SCML4: variants seen among roughly 807,000 people sequenced by gnomAD.
SCML4 encodes the protein Scm polycomb group protein like 4.
Under a neutral mutation model 41.1 loss-of-function variants are expected in SCML4, and 34 were observed. That is an observed-to-expected ratio of 0.83 (90% CI 0.63 to 1.10). The LOEUF (loss-of-function observed/expected upper bound fraction) is 1.10, where lower values mean the gene tolerates loss of function less well. Among genes scored for constraint, SCML4 ranks in the 50% least tolerant of loss-of-function variants. The pLI, the probability that SCML4 is intolerant of heterozygous loss-of-function variation, is 0.00. For missense variants in SCML4, 522 were observed against 534.1 expected (o/e 0.98, Z 0.22); for synonymous variants, 214 against 220.9 (o/e 0.97, Z 0.28).
chr6:107,727,071 C>T (rs1776057567), intron 5 of SCML4, among the ~76,000 whole-genome samples: 1 of 152,098 alleles, frequency 6.6e-6, no homozygotes, highest in South Asian at 2.1e-4. Context: ...ATTATTTGTC[C>T]ATAAAAAGGA....
At chr6:107,712,192 C>T (rs1296274769) in intron 6 of SCML4, among the ~76,000 whole-genome samples, 1 of 152,204 alleles carries the variant, frequency 6.6e-6, no homozygotes, top group Non-Finnish European at 1.5e-5. Context: ...CCCATCAGAA[C>T]ATTGGCGTTA....
the SCML4 span, among the ~76,000 whole-genome samples, chr6:107,832,527 T>C: frequency 2.0e-5 from 3 of 152,168 alleles, no homozygotes; most frequent in South Asian, 2.1e-4. Flanking sequence ...TTGGCTGGAA[T>C]TGGGCCACAT....
chr6:107,711,009 C>T (rs1344632429), intron 6 of SCML4, among the ~76,000 whole-genome samples: 2 of 60,396 alleles, frequency 3.3e-5, no homozygotes, highest in East Asian at 7.5e-4. Flanking sequence ...TCCCTGGTGT[C>T]CCTGCACAAA....
intron 7 of SCML4, among the ~76,000 whole-genome samples, chr6:107,706,240 G>A (rs9386658): frequency 2.0e-5 from 3 of 152,034 alleles, no homozygotes. Context: ...CCACTCCCAG[G>A]AGCCTCATTT....
intron 1 of SCML4, among the ~76,000 whole-genome samples, chr6:107,816,541 AGAG>A (rs139363940): frequency 0.011 from 1,730 of 152,336 alleles, 29 homozygotes; most frequent in African/African-American, 0.039. Context: ...GTAGGCTCTC[AGAG>A]GAGGAAGAAG....
intron 3 of SCML4, among the ~76,000 whole-genome samples, chr6:107,748,629 A>G (rs12664414): frequency 0.22 from 33,634 of 152,156 alleles, 3,980 homozygotes; most frequent in African/African-American, 0.29. Flanking sequence ...AGACCTTCAT[A>G]CAGGCACTAT....
chr6:107,797,066 C>G (rs1422477562), intron 1 of SCML4, among the ~76,000 whole-genome samples: 2 of 152,056 alleles, frequency 1.3e-5, no homozygotes, highest in Admixed American at 6.6e-5. Flanking sequence ...CTCTTGGTTA[C>G]TATAACTTTA....
intron 2 of SCML4, 130 bp from the exon 3 acceptor site, chr6:107,749,943 CG>C: frequency 1.1e-6 from 1 of 902,640 alleles, no homozygotes; most frequent in Non-Finnish European, 1.7e-6. Context: ...CCTGCAGTTT[CG>C]GGGCCTGAGC....
At chr6:107,791,259 C>A (rs534570081) in intron 1 of SCML4, among the ~76,000 whole-genome samples, 4 of 152,192 alleles carry the variant, frequency 2.6e-5, no homozygotes, top group East Asian at 1.9e-4. Context: ...TATTTAGTTT[C>A]AGTTTAGGAC....
chr6:107,773,245 C>G (rs1289591023), intron 1 of SCML4, among the ~76,000 whole-genome samples: 2 of 152,092 alleles, frequency 1.3e-5, no homozygotes, highest in African/African-American at 4.8e-5. Context: ...ATCCTTTGTA[C>G]AGATACCACA....
At chr6:107,814,885 T>C (rs1784453280) in intron 1 of SCML4, among the ~76,000 whole-genome samples, 1 of 152,110 alleles carries the variant, frequency 6.6e-6, no homozygotes, top group African/African-American at 2.4e-5. Context: ...ACCATATATG[T>C]GATAAAAACC....
chr6:107,809,256 T>C (rs1355366875), intron 1 of SCML4, among the ~76,000 whole-genome samples: 1 of 152,234 alleles, frequency 6.6e-6, no homozygotes, highest in Non-Finnish European at 1.5e-5. Context: ...GTCTAGGACT[T>C]CCCAGCCTTC....
chr6:107,732,466 C>A, intron 5 of SCML4: 1 of 152,376 alleles, frequency 6.6e-6, no homozygotes, highest in Non-Finnish European at 1.5e-5. Flanking sequence ...TTTTTCTCCC[C>A]TAATGAGATG....
chr6:107,821,890 G>A (rs958743321), intron 1 of SCML4, among the ~76,000 whole-genome samples: 5 of 152,148 alleles, frequency 3.3e-5, no homozygotes, highest in African/African-American at 1.2e-4. Flanking sequence ...TAAAGGATGT[G>A]TGGACACATG....
intron 6 of SCML4, chr6:107,718,422 T>C (rs1242903213): frequency 6.5e-6 from 1 of 153,106 alleles, no homozygotes; most frequent in Non-Finnish European, 1.5e-5. Flanking sequence ...TTAAGCGTCT[T>C]TCCTTTACAA....
chr6:107,819,219 GGC>G (rs529152956), intron 1 of SCML4, among the ~76,000 whole-genome samples: 6 of 48,230 alleles, frequency 1.2e-4, no homozygotes, highest in Non-Finnish European at 3.0e-4. Context: ...ACTTTCCCCT[GGC>G]TGGATTTAGA....
intron 5 of SCML4, among the ~76,000 whole-genome samples, chr6:107,723,796 A>G (rs536159484): frequency 6.6e-6 from 1 of 152,326 alleles, no homozygotes; most frequent in South Asian, 2.1e-4. Context: ...CCCAGCTTCT[A>G]TGGCAAATAC....
At chr6:107,750,396 A>C (rs991555825) in intron 2 of SCML4, among the ~76,000 whole-genome samples, 1 of 152,230 alleles carries the variant, frequency 6.6e-6, no homozygotes, top group African/African-American at 2.4e-5. Flanking sequence ...ATTTCACTTG[A>C]AACCACAAAG....
chr6:107,735,496 A>G (rs1224660083), intron 5 of SCML4, among the ~76,000 whole-genome samples: 1 of 151,880 alleles, frequency 6.6e-6, no homozygotes, highest in Non-Finnish European at 1.5e-5. Flanking sequence ...TTGTGGTAAA[A>G]CACATATCAC....
Sources: allele counts gnomAD v4.1 joint callset (sites outside exome capture counted in the v4.1 genomes callset), GRCh38; gene constraint gnomAD v4.1.1; transcripts MANE v1.5; gene names NCBI Gene and HGNC (gene_info 2026-07-23, HGNC 2026-07-21).